The following UGT3A1 variants were observed in gnomAD, a reference collection of about 807,000 sequenced individuals.
UGT3A1 encodes UDP glycosyltransferase family 3 member A1, also known as UDP-glycosyltransferase 3A1.
Under a neutral mutation model 37.6 loss-of-function variants are expected in UGT3A1, and 40 were observed. That is an observed-to-expected ratio of 1.06 (90% CI 0.83 to 1.38). The LOEUF (loss-of-function observed/expected upper bound fraction) is 1.38, where lower values mean the gene tolerates loss of function less well. UGT3A1 is among the 40% of genes most tolerant of loss of function. The pLI is 0.00. For missense variants in UGT3A1, 642 were observed against 634.2 expected, an observed-to-expected ratio of 1.01 and a Z score of -0.13; for synonymous variants, 256 against 232.3, an observed-to-expected ratio of 1.10 and a Z score of -0.93.
At position 35,951,504 on chromosome 5, in the gene UGT3A1, T is replaced by C. The variant is rs1739200315; in HGVS notation, c.*2698A>G. 6.6e-6 allele frequency: 1 copy of C among 152,228 alleles called. No individual in the cohort carries two copies. The highest frequency in any genetic ancestry group is 1.5e-5 in the Non-Finnish European group (1 of 68,028). 9.4% of individuals were successfully genotyped at this position (152,228 alleles called of 1,614,324 possible). On this transcript the variant is annotated 3_prime_UTR_variant, in exon 7 of 7. Transcript: ENST00000274278. ...CATATTAGCTTATTCTGCTTTTGTT[T>C]ATTGTAGTTTAAAGCTGAATATTAT...
intron 4 of UGT3A1, among the ~76,000 whole-genome samples, 195 bp from the exon 5 acceptor site, chr5:35,957,614 G>T (rs1369238728): frequency 2.6e-5 from 4 of 152,268 alleles, no homozygotes; most frequent in Admixed American, 6.5e-5. Flanking sequence ...GGATGACCTA[G>T]AAGTCATTTT....
chr5:35,993,642 T>A (rs931410997), upstream of UGT3A1, among the ~76,000 whole-genome samples: 1 of 152,182 alleles, frequency 6.6e-6, no homozygotes, highest in African/African-American at 2.4e-5. Context: ...TGCGCGTCCT[T>A]AACTTTGGCA....
chr5:35,981,763 A>G (rs184601582), intron 2 of UGT3A1, among the ~76,000 whole-genome samples: 63 of 152,390 alleles, frequency 4.1e-4, no homozygotes, highest in Admixed American at 4.0e-3. Flanking sequence ...AGTTTGCATA[A>G]GTAAAGAGGA....
chr5:35,991,338 T>C lies in UGT3A1; in HGVS notation c.-98A>G. On this transcript the variant is annotated 5_prime_UTR_variant, in exon 1 of 7. Transcript: ENST00000274278. ...GCCTCAGTACTCCAAAGGCACTGGC[T>C]GTGGGCCTAGGAAGAGGTAGGAGAC... is the stretch of plus-strand genomic sequence containing the variant. 1 of 1,563,070 alleles carries C rather than the reference T, an allele frequency of 6.4e-7. No individual in the cohort carries two copies. The highest frequency in any genetic ancestry group is 8.7e-7 in the Non-Finnish European group (1 of 1,155,372).
Position 35,965,525 on chromosome 5 carries a change from G to T in UGT3A1, c.704C>A (p.Pro235Gln). The T allele has an allele frequency of 6.2e-7, 1 of 1,614,210 alleles. No individual in the cohort carries two copies. The highest frequency in any genetic ancestry group is 1.3e-5 in the African/African-American group (1 of 75,052). Residue 235 changes from proline to glutamine, a missense_variant, in exon 4 of 7, where the codon CCA becomes CAA. Physicochemically the swap from Pro to Gln is moderately conservative, Grantham distance 76. Transcript: ENST00000274278. ...TTTCAGTAGAAGATGAGACAAAACT[G>T]GCCTAGAGCCTTCTGGGAAATGCTC... ...IKEHFPEGSRPVLSHLLLKAE... is the reference protein window; with the variant it reads ...IKEHFPEGSRQVLSHLLLKAE...
At chr5:35,968,570 C>A (rs1739910159) in intron 2 of UGT3A1, among the ~76,000 whole-genome samples, 1 of 152,088 alleles carries the variant, frequency 6.6e-6, no homozygotes, top group Admixed American at 6.6e-5. Flanking sequence ...TAAAATAATA[C>A]CTACAAATAG....
In UGT3A1 at chr5:35,955,651, T is replaced by A; in HGVS notation, c.1289A>T (p.Asp430Val). 1 of 1,614,226 alleles carries A rather than the reference T, an allele frequency of 6.2e-7. No individual in the cohort carries two copies. The highest frequency in any genetic ancestry group is 8.5e-7 in the Non-Finnish European group (1 of 1,180,040). Residue 430 changes from aspartate (D) to valine (V), a missense_variant, in exon 6 of 7, where the codon GAC becomes GTC. Physicochemically the swap from Asp to Val is radical, Grantham distance 152. Transcript: ENST00000274278. ...TGCTTAGAGAGCCACATACCTCTTGTCTTCTATGACTTGTTTCATTGTAAG... is the reference window on the plus strand; with the variant it reads ...TGCTTAGAGAGCCACATACCTCTTGACTTCTATGACTTGTTTCATTGTAAG... Reference protein sequence around the residue: ...LTLTMKQVIEDKRYKSAVVAA... With the variant: ...LTLTMKQVIEVKRYKSAVVAA...
intron 2 of UGT3A1, among the ~76,000 whole-genome samples, chr5:35,972,804 T>C (rs1740101177): frequency 6.6e-6 from 1 of 151,318 alleles, no homozygotes. Flanking sequence ...AGAGAAAGCA[T>C]GGAAAGAAAA....
intron 4 of UGT3A1, chr5:35,961,168 AGCCGTATCATCTCC>A (rs1191532230): frequency 6.6e-6 from 1 of 152,162 alleles, no homozygotes; most frequent in Non-Finnish European, 1.5e-5. Flanking sequence ...TCTGTCTCCT[AGCCGTATCATCTCC>A]CCTCTCTGCA....
chr5:35,967,542 A>G (rs1267677468), intron 3 of UGT3A1, among the ~76,000 whole-genome samples: 11 of 152,242 alleles, frequency 7.2e-5, no homozygotes, highest in South Asian at 2.1e-4. Flanking sequence ...ATCAATGTTC[A>G]TAAGAGTTTT....
At chr5:35,985,468 G>A (rs750585074) in intron 2 of UGT3A1, among the ~76,000 whole-genome samples, 14 of 152,060 alleles carry the variant, frequency 9.2e-5, no homozygotes, top group Non-Finnish European at 1.5e-4. Context: ...TACTGCAAAC[G>A]TATAGTAACC....
intron 1 of UGT3A1, among the ~76,000 whole-genome samples, chr5:35,997,751 C>T (rs1298753369): frequency 6.6e-6 from 1 of 152,106 alleles, no homozygotes; most frequent in East Asian, 1.9e-4. Context: ...ACCCAGGGCT[C>T]AACACTCATC....
chr5:35,992,349 T>TAC (rs1740977498), upstream of UGT3A1, among the ~76,000 whole-genome samples: 1 of 151,684 alleles, frequency 6.6e-6, no homozygotes, highest in Non-Finnish European at 1.5e-5. Context: ...TGCACAAACA[T>TAC]ACACACACAT....
chr5:36,000,926 T>C (rs1214804363), intron 1 of UGT3A1: 1 of 152,240 alleles, frequency 6.6e-6, no homozygotes. Context: ...GTTTCTATAA[T>C]GGGCTCAGGA....
chr5:35,954,269 A>C lies in UGT3A1; in HGVS notation c.1505T>G (p.Leu502Arg). Reference protein sequence around the residue: ...LLGLTLGTMWLCGKLLGVVAR... With the variant: ...LLGLTLGTMWRCGKLLGVVAR... ...CACCACACCCAGCAGCTTCCCACAAAGCCACATAGTGCCCAGAGTGAGCCC... is the reference window on the plus strand; with the variant it reads ...CACCACACCCAGCAGCTTCCCACAACGCCACATAGTGCCCAGAGTGAGCCC... The change falls in exon 7 of 7, where the codon CTT (leucine) becomes CGT (arginine). Residue 502 changes from leucine to arginine, a missense_variant. By Grantham distance (102) the Leu-to-Arg change is moderately radical. Coordinates refer to ENST00000274278, the MANE Select transcript of UGT3A1 (RefSeq NM_152404.4). 6.2e-7 allele frequency: 1 copy of C among 1,614,152 alleles called. No homozygotes were observed.
chr5:35,986,061 T>C (rs1740717039), intron 2 of UGT3A1, among the ~76,000 whole-genome samples: 1 of 152,086 alleles, frequency 6.6e-6, no homozygotes, highest in African/African-American at 2.4e-5. Context: ...TTTCTCAAAA[T>C]AACCAACAGA....
At chr5:35,963,418 G>C (rs148656127) in intron 4 of UGT3A1, among the ~76,000 whole-genome samples, 13 of 152,248 alleles carry the variant, frequency 8.5e-5, no homozygotes, top group African/African-American at 2.6e-4. Flanking sequence ...ATCTTGTTTA[G>C]ATTGTCTCAA....
intron 1 of UGT3A1, among the ~76,000 whole-genome samples, chr5:35,989,723 C>T (rs1363986962): frequency 6.6e-6 from 1 of 152,172 alleles, no homozygotes; most frequent in Non-Finnish European, 1.5e-5. Flanking sequence ...CACCAGCTCC[C>T]TCTTGAAGTC....
chr5:35,996,312 G>T (rs1040444751), upstream of UGT3A1, among the ~76,000 whole-genome samples: 1 of 152,074 alleles, frequency 6.6e-6, no homozygotes, highest in Non-Finnish European at 1.5e-5. Context: ...CAAACAAATT[G>T]GGAGAGATTC....
Sources: allele counts gnomAD v4.1 joint callset (sites outside exome capture counted in the v4.1 genomes callset), GRCh38; gene constraint gnomAD v4.1.1; transcripts MANE v1.5; gene names NCBI Gene and HGNC (gene_info 2026-07-23, HGNC 2026-07-21).